Variants in TBXAS1 observed in about 807,000 individuals in gnomAD.
TBXAS1 encodes thromboxane-A synthase.
Under a neutral mutation model 60.7 loss-of-function variants are expected in TBXAS1, and 48 were observed. That is an observed-to-expected ratio of 0.79 (90% CI 0.63 to 1.01). The LOEUF is 1.01. Among genes scored for constraint, TBXAS1 ranks in the 50% least tolerant of loss-of-function variants. The probability of loss-of-function intolerance (pLI) is 0.00; values close to 1 mark genes in which losing one functional copy is unlikely to be tolerated. For synonymous variants in TBXAS1, 287 were observed against 269.7 expected, an observed-to-expected ratio of 1.06 and a Z score of -0.63; for missense variants, 685 against 686.3, an observed-to-expected ratio of 1.00 and a Z score of 0.02.
intron 3 of TBXAS1, among the ~76,000 whole-genome samples, chr7:139,786,559 T>C (rs1797207825): frequency 6.6e-6 from 1 of 152,222 alleles, no homozygotes; most frequent in Non-Finnish European, 1.5e-5. Context: ...TCTTTTTATT[T>C]TATTTTTTCA....
Position 139,860,105 on chromosome 7 carries a change from A to G in TBXAS1, c.90-12130A>G, listed in dbSNP as rs143838419. Among the ~76,000 whole-genome samples the G allele has an allele frequency of 7.4e-3, 1,129 of 152,318 alleles. 20 individuals carry two copies. The highest frequency in any genetic ancestry group is 0.026 in the African/African-American group (1,067 of 41,576). On this transcript the variant is annotated intron_variant, in intron 1 of 12. Transcript: ENST00000448866. ...AACTGAGATTGTGCCACTGCACTCCAGCCTGGACAACAGAGGAAGACTCTG... is the reference window on the plus strand; with the variant it reads ...AACTGAGATTGTGCCACTGCACTCCGGCCTGGACAACAGAGGAAGACTCTG...
chr7:139,868,520 G>A (rs1801589894), intron 1 of TBXAS1, among the ~76,000 whole-genome samples: 1 of 151,640 alleles, frequency 6.6e-6, no homozygotes, highest in African/African-American at 2.4e-5. Context: ...GTTTTGCTCT[G>A]TTGCCCAGGC....
intron 3 of TBXAS1, among the ~76,000 whole-genome samples, chr7:139,902,131 C>CGT (rs140782971): frequency 0.024 from 3,615 of 149,412 alleles, 78 homozygotes; most frequent in African/African-American, 0.046. Context: ...TATATGCACT[C>CGT]GTGTGTGTGT....
At chr7:139,820,914 G>A (rs1044228828) in intron 4 of TBXAS1, among the ~76,000 whole-genome samples, 2 of 152,214 alleles carry the variant, frequency 1.3e-5, no homozygotes, top group Admixed American at 6.5e-5. Flanking sequence ...ATTTGGGTGG[G>A]TGTCTCTAAA....
chr7:139,872,286 C>T lies in TBXAS1; in HGVS notation c.141C>T (p.Pro47=), dbSNP rs878956902. ...TGGAGAAGTTAGGCCTCAGACATCCCAAGCCTTCTCCTTTCATTGGAAACT... is the reference window on the plus strand; with the variant it reads ...TGGAGAAGTTAGGCCTCAGACATCCTAAGCCTTCTCCTTTCATTGGAAACT... ...SRLEKLGLRH[P]KPSPFIGNLT... Residue 47 remains proline (P), a synonymous_variant, in exon 2 of 13, where the codon CCC becomes CCT. Transcript: ENST00000448866. The T allele has an allele frequency of 1.2e-6, 2 of 1,614,122 alleles. No individual in the cohort carries two copies. Among genetic ancestry groups the T allele is most frequent in the South Asian group, 2.2e-5 (2 of 91,084 alleles).
intron 9 of TBXAS1, among the ~76,000 whole-genome samples, chr7:139,987,531 TGCAGGAGCAC>T (rs1042647316): frequency 2.0e-5 from 3 of 152,200 alleles, no homozygotes; most frequent in African/African-American, 7.2e-5. Context: ...CCATTATTCT[TGCAGGAGCAC>T]GCAGGACTAA....
chr7:140,003,353 A>G (rs1448263667), intron 9 of TBXAS1, among the ~76,000 whole-genome samples: 2 of 151,954 alleles, frequency 1.3e-5, no homozygotes, highest in Non-Finnish European at 2.9e-5. Context: ...ACAGGCACCC[A>G]CCACCATGCC....
chr7:139,857,463 A>G (rs1325009008), intron 1 of TBXAS1, among the ~76,000 whole-genome samples: 2 of 152,126 alleles, frequency 1.3e-5, no homozygotes, highest in Non-Finnish European at 2.9e-5. Context: ...GGTTAAATTT[A>G]GTCAAATAAC....
At chr7:139,990,949 G>A (rs1812852191) in intron 9 of TBXAS1, among the ~76,000 whole-genome samples, 1 of 152,144 alleles carries the variant, frequency 6.6e-6, no homozygotes, top group Non-Finnish European at 1.5e-5. Context: ...GGGCACAGAG[G>A]CAGCAGGACA....
At chr7:139,867,659 A>G (rs1281411199) in intron 1 of TBXAS1, among the ~76,000 whole-genome samples, 2 of 140,852 alleles carry the variant, frequency 1.4e-5, no homozygotes, top group Non-Finnish European at 2.9e-5. Flanking sequence ...CGTCTCTACT[A>G]AAATACAAAA....
intron 4 of TBXAS1, among the ~76,000 whole-genome samples, chr7:139,805,249 A>C (rs1797819456): frequency 6.6e-6 from 1 of 152,268 alleles, no homozygotes; most frequent in African/African-American, 2.4e-5. Flanking sequence ...TATTATCATC[A>C]TTCCCACTAC....
Position 139,999,648 on chromosome 7 carries a change from G to C in TBXAS1, c.1135-7443G>C, listed in dbSNP as rs529386035. Among the ~76,000 whole-genome samples the C allele has an allele frequency of 6.6e-5, 10 of 152,340 alleles. No individual in the cohort carries two copies. In the South Asian group the frequency reaches 1.9e-3, roughly 28 times the overall value. On this transcript the variant is annotated intron_variant, in intron 9 of 12. Transcript: ENST00000448866. This position sits in a 1 kb window ranked among gnomAD's most constrained non-coding sequence, Gnocchi z 4.3. The stretch of plus-strand genomic sequence containing the variant: ...TAGTCCCACGGTCCCTGGAGAATCA[G>C]AGTGAATGGAAATCTTTATTCTTCA...
intron 3 of TBXAS1, among the ~76,000 whole-genome samples, chr7:139,882,209 C>A (rs964478012): frequency 6.6e-6 from 1 of 152,160 alleles, no homozygotes; most frequent in Non-Finnish European, 1.5e-5. Flanking sequence ...TCAAGAACAA[C>A]GGGAATTGAA....
intron 3 of TBXAS1, among the ~76,000 whole-genome samples, chr7:139,891,259 A>T (rs1409175285): frequency 6.7e-6 from 1 of 149,566 alleles, no homozygotes; most frequent in Non-Finnish European, 1.5e-5. Flanking sequence ...TTATTTATTT[A>T]TATATATATA....
At chr7:139,965,774 C>G (rs186101835) in intron 9 of TBXAS1, among the ~76,000 whole-genome samples, 165 of 152,290 alleles carry the variant, frequency 1.1e-3, no homozygotes, top group Admixed American at 2.0e-3. Flanking sequence ...TAAAAACATA[C>G]ATTTGGTAGT....
chr7:139,878,168 A>C (rs1802400716), intron 3 of TBXAS1, among the ~76,000 whole-genome samples: 1 of 151,788 alleles, frequency 6.6e-6, no homozygotes, highest in South Asian at 2.1e-4. Flanking sequence ...AAAAAGAGAG[A>C]GAGAGAAAAG....
At chr7:139,995,186 C>T (rs375794265) in intron 9 of TBXAS1, among the ~76,000 whole-genome samples, 5 of 151,976 alleles carry the variant, frequency 3.3e-5, no homozygotes, top group Admixed American at 6.6e-5. Context: ...GCAGGAGGGG[C>T]GGGGAGGGGT....
intron 9 of TBXAS1, among the ~76,000 whole-genome samples, chr7:139,990,525 G>A (rs910314585): frequency 6.6e-6 from 1 of 152,092 alleles, no homozygotes; most frequent in African/African-American, 2.4e-5. Context: ...GAACCCTCCT[G>A]TCCTCCAGGG....
rs1365154858 is a variant in TBXAS1 at position 140,020,014 on chromosome 7, C to T, written c.1528-11C>T. ...TCTCTTTGACAAATATTTTAATTTT[C>T]TCTATTTTAGGTACCGCTGCAGCTA... On this transcript the variant is annotated splice_polypyrimidine_tract_variant and intron_variant, in intron 12 of 12. Coordinates refer to ENST00000448866, the MANE Select transcript of TBXAS1 (RefSeq NM_001061.7). 1 of 1,613,050 alleles carries T rather than the reference C, an allele frequency of 6.2e-7. No homozygotes were observed. The highest frequency in any genetic ancestry group is 1.3e-5 in the African/African-American group (1 of 74,814).
Sources: gnomAD v4.1 joint callset for allele counts (sites outside exome capture counted in the v4.1 genomes callset) on GRCh38, gnomAD v4.1.1 for gene constraint, Gnocchi (gnomAD v3.1) non-coding constraint, MANE v1.5 for transcripts, NCBI Gene and HGNC (gene_info 2026-07-23, HGNC 2026-07-21) for gene names.